GAL3ST1: variants seen among roughly 807,000 people sequenced by gnomAD.
GAL3ST1 encodes galactosylceramide sulfotransferase.
GAL3ST1 carries 13 observed loss-of-function variants against 25.0 expected under a neutral mutation model. The observed-to-expected ratio is 0.52, with a 90% CI of 0.34 to 0.83. GAL3ST1 has a LOEUF of 0.83. GAL3ST1 is among the 40% of genes least tolerant of loss of function. The pLI is 0.02. For synonymous variants in GAL3ST1, 274 were observed against 277.8 expected, an observed-to-expected ratio of 0.99 and a Z score of 0.14; for missense variants, 474 against 613.6, an observed-to-expected ratio of 0.77 and a Z score of 2.40.
At chr22:30,566,499 A>G (rs1229843687) in intron 1 of GAL3ST1, among the ~76,000 whole-genome samples, 3 of 152,174 alleles carry the variant, frequency 2.0e-5, no homozygotes, top group Admixed American at 6.5e-5. Context: ...GTGGCTGAGG[A>G]GGTGAGCAAC....
At chr22:30,563,720 TG>T (rs2086523934) in intron 1 of GAL3ST1, among the ~76,000 whole-genome samples, 3 of 151,496 alleles carry the variant, frequency 2.0e-5, no homozygotes, top group Admixed American at 6.6e-5. Context: ...GAGACCATCC[TG>T]GCTAACACAG....
At chr22:30,563,386 C>T (rs2086510941) in intron 1 of GAL3ST1, 1 of 151,956 alleles carries the variant, frequency 6.6e-6, no homozygotes, top group South Asian at 2.1e-4. Context: ...AAGACAGACA[C>T]AGGAGGATCA....
At chr22:30,564,110 C>T (rs2086544153) in intron 1 of GAL3ST1, among the ~76,000 whole-genome samples, 1 of 152,220 alleles carries the variant, frequency 6.6e-6, no homozygotes, top group Non-Finnish European at 1.5e-5. Flanking sequence ...GATACTCAAC[C>T]TGTACCAGCT....
At chr22:30,556,122 C>G (rs771033555) in intron 3 of GAL3ST1, 29 bp from the exon 4 acceptor site, 16 of 1,571,398 alleles carry the variant, frequency 1.0e-5, no homozygotes, top group Non-Finnish European at 1.4e-5. Flanking sequence ...TGGGGAGAGC[C>G]TCAGGGGGGT....
At chr22:30,559,703 A>T (rs2086267585) in intron 1 of GAL3ST1, among the ~76,000 whole-genome samples, 1 of 151,976 alleles carries the variant, frequency 6.6e-6, no homozygotes, top group Non-Finnish European at 1.5e-5. Context: ...GTTTTGGGGG[A>T]TGATCTAAGC....
intron 1 of GAL3ST1, among the ~76,000 whole-genome samples, chr22:30,571,642 T>C (rs1000105900): frequency 6.6e-6 from 1 of 152,072 alleles, no homozygotes; most frequent in African/African-American, 2.4e-5. Flanking sequence ...GGCGGGCAGA[T>C]CACGAGGTCA....
At chr22:30,557,108 T>C (rs867004442) in intron 3 of GAL3ST1, among the ~76,000 whole-genome samples, 154 bp downstream of exon 3, 55 of 152,278 alleles carry the variant, frequency 3.6e-4, no homozygotes, top group African/African-American at 1.3e-3. Flanking sequence ...AGCTCTGCCA[T>C]CAGTGGAATT....
chr22:30,573,684 T>G (rs1418146732), intron 1 of GAL3ST1, among the ~76,000 whole-genome samples: 1 of 152,240 alleles, frequency 6.6e-6, no homozygotes, highest in Non-Finnish European at 1.5e-5. Context: ...CTTCTCTCCC[T>G]TTCCTTCCCC....
At chr22:30,563,473 A>C (rs994343082) in intron 1 of GAL3ST1, among the ~76,000 whole-genome samples, 2 of 151,956 alleles carry the variant, frequency 1.3e-5, no homozygotes, top group African/African-American at 4.8e-5. Context: ...AAAATTAGCC[A>C]GGCATGGTGG....
rs1193454141 is a variant in GAL3ST1 at position 30,555,743 on chromosome 22, G to T, written c.482C>A (p.Thr161Lys). The T allele has an allele frequency of 6.2e-7, 1 of 1,614,092 alleles. No individual in the cohort carries two copies. The highest frequency in any genetic ancestry group is 1.3e-5 in the African/African-American group (1 of 75,068). The part of the protein sequence containing the change: ...GLVPTNAIFI[T>K]VLRDPARLFE... ...CAAGCGGGCGGGGTCGCGGAGCACC[G>T]TGATGAAGATGGCGTTGGTCGGCAC... Residue 161 changes from threonine to lysine, a missense_variant, in exon 4 of 4, where the codon ACG (threonine) becomes AAG (lysine). Physicochemically the swap from Thr to Lys is moderately conservative, Grantham distance 78 (BLOSUM62 -1). Coordinates refer to ENST00000406361, the MANE Select transcript of GAL3ST1 (RefSeq NM_001318104.2). The surrounding 1 kb of genome is among the most constrained non-coding windows in gnomAD (Gnocchi z 8.6).
chr22:30,565,410 G>A (rs2086591879), intron 1 of GAL3ST1, among the ~76,000 whole-genome samples: 1 of 152,170 alleles, frequency 6.6e-6, no homozygotes, highest in African/African-American at 2.4e-5. Context: ...GAGTACATAC[G>A]CAGACTTGCC....
At chr22:30,569,093 A>T (rs897150893) in intron 1 of GAL3ST1, among the ~76,000 whole-genome samples, 1 of 151,276 alleles carries the variant, frequency 6.6e-6, no homozygotes, top group African/African-American at 2.4e-5. Flanking sequence ...AAAAAAAAAA[A>T]AAAGAGGGAC....
Position 30,571,060 on chromosome 22 carries a change from T to A in GAL3ST1, c.-120+3406A>T, listed in dbSNP as rs1032941155. Among the ~76,000 whole-genome samples, 18 of 152,048 alleles carry A rather than the reference T, an allele frequency of 1.2e-4. 1 individual carries two copies. The highest frequency in any genetic ancestry group is 8.8e-5 in the Non-Finnish European group (6 of 68,020). On this transcript the variant is annotated intron_variant, in intron 1 of 3. Transcript: ENST00000406361. ...ATTACTTTGGAAAGATAAATAAAGA[T>A]ATTTCCACTTTGAAAATCTGCAGCC... is the stretch of plus-strand genomic sequence containing the variant.
At chr22:30,563,666 C>A (rs1450707793) in intron 1 of GAL3ST1, among the ~76,000 whole-genome samples, 3 of 151,818 alleles carry the variant, frequency 2.0e-5, no homozygotes, top group Non-Finnish European at 2.9e-5. Context: ...GTAATCCCAG[C>A]TCTTTGGGAG....
chr22:30,556,603 C>A (rs1013643379), intron 3 of GAL3ST1, among the ~76,000 whole-genome samples: 2 of 152,200 alleles, frequency 1.3e-5, no homozygotes, highest in African/African-American at 4.8e-5. Context: ...CCGTTTGAAT[C>A]CATGCCCATG....
In GAL3ST1 at chr22:30,555,097, G is replaced by A. The variant is rs2085910608; in HGVS notation, c.1128C>T (p.Tyr376=). The A allele has an allele frequency of 2.5e-6, 4 of 1,612,582 alleles. No homozygotes were observed. Among genetic ancestry groups the A allele is most frequent in the African/African-American group, 2.7e-5 (2 of 75,058 alleles). Residue 376 remains tyrosine (Y), a synonymous_variant, in exon 4 of 4, where the codon TAC becomes TAT. Coordinates refer to ENST00000406361, the MANE Select transcript of GAL3ST1 (RefSeq NM_001318104.2). The surrounding 1 kb of genome is among the most constrained non-coding windows in gnomAD (Gnocchi z 8.6). ...QPLGTKSILG[Y]NLKKSIGQRH... ...GCTGCCCGATGCTCTTCTTGAGGTT[G>A]TAGCCCAGGATGGACTTGGTGCCCA...
chr22:30,566,862 G>T (rs35029608), intron 1 of GAL3ST1, among the ~76,000 whole-genome samples: 1 of 152,152 alleles, frequency 6.6e-6, no homozygotes, highest in Non-Finnish European at 1.5e-5. Context: ...GCCCACCTTA[G>T]CCTCCCAAAG....
chr22:30,556,706 G>A (rs1315670483), intron 3 of GAL3ST1, among the ~76,000 whole-genome samples: 1 of 152,162 alleles, frequency 6.6e-6, no homozygotes, highest in Non-Finnish European at 1.5e-5. Context: ...CATGCTCTAT[G>A]AGGAAGGCTC....
intron 1 of GAL3ST1, among the ~76,000 whole-genome samples, chr22:30,570,811 T>C (rs2086759573): frequency 6.6e-6 from 1 of 151,510 alleles, no homozygotes; most frequent in African/African-American, 2.4e-5. Flanking sequence ...AGTTGCCTAA[T>C]ATTAAGCCTG....
Sources: allele counts gnomAD v4.1 joint callset (sites outside exome capture counted in the v4.1 genomes callset), GRCh38; gene constraint gnomAD v4.1.1; non-coding constraint Gnocchi (gnomAD v3.1); transcripts MANE v1.5; gene names NCBI Gene and HGNC (gene_info 2026-07-23, HGNC 2026-07-21).